ST3GAL3: variants seen among roughly 807,000 people sequenced by gnomAD.
ST3GAL3 encodes CMP-N-acetylneuraminate-beta-1,4-galactoside alpha-2,3-sialyltransferase.
A neutral mutation model predicts 50.1 loss-of-function variants in ST3GAL3; 21 were observed. The ratio of observed to expected loss-of-function variants is 0.42; its 90% CI spans 0.30 to 0.60. The LOEUF is 0.60. ST3GAL3 is among the 20% of genes least tolerant of loss of function. The probability of loss-of-function intolerance (pLI) is 0.19; values close to 1 mark genes in which losing one functional copy is unlikely to be tolerated. For synonymous variants in ST3GAL3, 183 were observed against 190.0 expected (o/e 0.96, Z 0.30); for missense variants, 353 against 489.4 (o/e 0.72, Z 2.63).
At chr1:43,764,454 A>G (rs1194044825) in intron 2 of ST3GAL3, among the ~76,000 whole-genome samples, 2 of 152,148 alleles carry the variant, frequency 1.3e-5, no homozygotes, top group Non-Finnish European at 2.9e-5. Flanking sequence ...TCTCAGGCCG[A>G]GATCCAGGGG....
chr1:43,720,849 C>A (rs537113808), intron 1 of ST3GAL3, among the ~76,000 whole-genome samples: 66 of 152,296 alleles, frequency 4.3e-4, no homozygotes, highest in African/African-American at 1.6e-3. Context: ...CAGCGTTATT[C>A]AGCCAAAAAG....
intron 1 of ST3GAL3, among the ~76,000 whole-genome samples, chr1:43,728,848 T>C (rs146943978): frequency 2.1e-3 from 323 of 152,324 alleles, no homozygotes; most frequent in South Asian, 4.3e-3. Flanking sequence ...CACATATGTA[T>C]ACACACATAT....
intron 2 of ST3GAL3, among the ~76,000 whole-genome samples, chr1:43,764,317 A>G (rs1403544393): frequency 2.6e-5 from 4 of 152,168 alleles, no homozygotes; most frequent in Non-Finnish European, 4.4e-5. Flanking sequence ...GAATTTTTGC[A>G]GAGTCTCAAT....
At chr1:43,770,295 A>G (rs1694649373) in intron 2 of ST3GAL3, among the ~76,000 whole-genome samples, 1 of 148,182 alleles carries the variant, frequency 6.7e-6, no homozygotes. Flanking sequence ...TGAGTAGGGG[A>G]AGGAGTAGAA....
At chr1:43,832,441 C>T (rs562047730) in intron 4 of ST3GAL3, among the ~76,000 whole-genome samples, 24 of 152,146 alleles carry the variant, frequency 1.6e-4, no homozygotes, top group Non-Finnish European at 4.4e-5. Context: ...TGGCTGTACA[C>T]GTATCATGAT....
At chr1:43,801,336 G>A (rs2059290246) in intron 3 of ST3GAL3, 1 of 456,284 alleles carries the variant, frequency 2.2e-6, no homozygotes, top group Non-Finnish European at 4.4e-6. Context: ...AAAAAAGGAA[G>A]TGGGTCACTC....
At chr1:43,882,939 T>TTTTA (rs899079997) in intron 5 of ST3GAL3, among the ~76,000 whole-genome samples, 3,099 of 114,692 alleles carry the variant, frequency 0.027, 59 homozygotes, top group East Asian at 0.055. Flanking sequence ...GTGCCCATTC[T>TTTTA]TTTATTTATT....
intron 1 of ST3GAL3, among the ~76,000 whole-genome samples, chr1:43,726,014 A>G (rs1214346391): frequency 6.6e-6 from 1 of 152,160 alleles, no homozygotes; most frequent in Non-Finnish European, 1.5e-5. Flanking sequence ...AATTTTTTTA[A>G]GTTTATGCAG....
intron 5 of ST3GAL3, among the ~76,000 whole-genome samples, chr1:43,856,943 A>T (rs887695781): frequency 6.8e-6 from 1 of 146,864 alleles, no homozygotes; most frequent in South Asian, 2.2e-4. Flanking sequence ...AAGTTGTGGG[A>T]TTTTTTTTTT....
intron 3 of ST3GAL3, among the ~76,000 whole-genome samples, chr1:43,797,855 A>G (rs879441634): frequency 6.6e-6 from 1 of 152,250 alleles, no homozygotes; most frequent in Non-Finnish European, 1.5e-5. Context: ...CTACAAAAAC[A>G]TTCCTAGAAC....
chr1:43,876,305 G>T (rs2074108051), intron 5 of ST3GAL3, among the ~76,000 whole-genome samples: 1 of 152,012 alleles, frequency 6.6e-6, no homozygotes, highest in Non-Finnish European at 1.5e-5. Context: ...GCCTATAGTT[G>T]AACAGGGAGA....
intron 9 of ST3GAL3, among the ~76,000 whole-genome samples, chr1:43,906,706 C>T (rs1037304517): frequency 3.9e-5 from 6 of 152,134 alleles, no homozygotes; most frequent in Non-Finnish European, 1.5e-5. Flanking sequence ...GCTTTTCCTT[C>T]CTTTTGTTCT....
At chr1:43,793,556 TGTCTAACTCTA>T (rs2058341823) in intron 3 of ST3GAL3, among the ~76,000 whole-genome samples, 1 of 152,222 alleles carries the variant, frequency 6.6e-6, no homozygotes, top group African/African-American at 2.4e-5. Flanking sequence ...CATTCATATC[TGTCTAACTCTA>T]GAGCCCATCC....
chr1:43,754,776 C>G (rs1687427249), intron 2 of ST3GAL3, among the ~76,000 whole-genome samples: 1 of 152,066 alleles, frequency 6.6e-6, no homozygotes, highest in African/African-American at 2.4e-5. Context: ...ATAGTGAGAT[C>G]CCACCTCTAC....
chr1:43,773,969 A>G (rs1696259703), intron 2 of ST3GAL3, among the ~76,000 whole-genome samples: 1 of 152,224 alleles, frequency 6.6e-6, no homozygotes, highest in Non-Finnish European at 1.5e-5. Context: ...GATGAATTCA[A>G]TACACAGGAC....
intron 2 of ST3GAL3, among the ~76,000 whole-genome samples, chr1:43,765,814 C>T (rs565616600): frequency 2.1e-5 from 3 of 145,518 alleles, no homozygotes; most frequent in East Asian, 1.9e-4. Context: ...CGCGCGTCCG[C>T]GTGCGCTTTT....
chr1:43,758,191 A>G (rs1688852038), intron 2 of ST3GAL3, among the ~76,000 whole-genome samples: 1 of 141,114 alleles, frequency 7.1e-6, no homozygotes, highest in Non-Finnish European at 1.5e-5. Context: ...AGGCAGTATC[A>G]TCCAATCAAT....
intron 5 of ST3GAL3, among the ~76,000 whole-genome samples, chr1:43,864,771 T>C (rs1466048062): frequency 1.3e-5 from 2 of 151,948 alleles, no homozygotes; most frequent in South Asian, 4.2e-4. Context: ...CAACATTAGG[T>C]GGCTGGTAGA....
intron 1 of ST3GAL3, among the ~76,000 whole-genome samples, chr1:43,717,664 AT>A (rs913461144): frequency 6.7e-5 from 10 of 149,456 alleles, no homozygotes; most frequent in African/African-American, 2.5e-4. Flanking sequence ...TGCCCCGGTA[AT>A]TTTTTTTTCT....
Sources: gnomAD v4.1 joint callset for allele counts (sites outside exome capture counted in the v4.1 genomes callset) on GRCh38, gnomAD v4.1.1 for gene constraint, MANE v1.5 for transcripts, NCBI Gene and HGNC (gene_info 2026-07-23, HGNC 2026-07-21) for gene names.